The following FAM185A variants were observed in gnomAD, a reference collection of about 807,000 sequenced individuals.
FAM185A encodes protein FAM185A.
In FAM185A, 21 loss-of-function variants were observed where a neutral mutation model predicts 45.7. That is an observed-to-expected ratio of 0.46 (90% CI 0.33 to 0.66). FAM185A has a LOEUF of 0.66. FAM185A is among the 30% of genes least tolerant of loss of function. The pLI is 0.03. For synonymous variants in FAM185A, 117 were observed against 194.0 expected (o/e 0.60, Z 3.30); for missense variants, 305 against 485.4 (o/e 0.63, Z 3.49).
the FAM185A span, among the ~76,000 whole-genome samples, chr7:102,838,699 T>G: frequency 1.3e-5 from 2 of 152,180 alleles, no homozygotes; most frequent in Non-Finnish European, 1.5e-5. Context: ...GATCTAGGGT[T>G]GTGCAGGATG....
At chr7:102,818,318 A>G in the FAM185A span, among the ~76,000 whole-genome samples, 1 of 152,254 alleles carries the variant, frequency 6.6e-6, no homozygotes, top group Admixed American at 6.5e-5. Context: ...ACCTAGGTAC[A>G]AAGTATGGCT....
chr7:102,831,037 T>G, the FAM185A span, among the ~76,000 whole-genome samples: 1 of 152,102 alleles, frequency 6.6e-6, no homozygotes, highest in African/African-American at 2.4e-5. Context: ...GATCTACGTG[T>G]GTTATTTGTT....
the FAM185A span, among the ~76,000 whole-genome samples, chr7:102,840,165 C>A: frequency 6.6e-6 from 1 of 151,912 alleles, no homozygotes; most frequent in African/African-American, 2.4e-5. Context: ...ATTGGGAAAA[C>A]CAAAAGGAAA....
the FAM185A span, among the ~76,000 whole-genome samples, chr7:102,849,347 G>T: frequency 2.0e-5 from 3 of 152,166 alleles, no homozygotes; most frequent in Non-Finnish European, 4.4e-5. Flanking sequence ...TACATCTGAG[G>T]CTCCAGACAC....
intron 6 of FAM185A, among the ~76,000 whole-genome samples, chr7:102,780,944 A>T (rs1273186538): frequency 3.3e-5 from 5 of 152,184 alleles, no homozygotes; most frequent in Non-Finnish European, 7.4e-5. Context: ...GCACCTGGAA[A>T]ATCGGGTCAC....
chr7:102,826,831 A>G, the FAM185A span, among the ~76,000 whole-genome samples: 2 of 142,226 alleles, frequency 1.4e-5, no homozygotes, highest in East Asian at 2.0e-4. Context: ...TATATAATAA[A>G]TATATCTAAT....
chr7:102,818,642 C>G, the FAM185A span, among the ~76,000 whole-genome samples: 3 of 152,134 alleles, frequency 2.0e-5, no homozygotes, highest in African/African-American at 4.8e-5. Flanking sequence ...CTTCTAGCAA[C>G]TGCTAAAGAA....
the FAM185A span, among the ~76,000 whole-genome samples, chr7:102,833,155 TTCACA>T: frequency 1.3e-5 from 2 of 152,216 alleles, no homozygotes; most frequent in Non-Finnish European, 2.9e-5. Flanking sequence ...GCAAAAGATA[TTCACA>T]AAGCAGCTTA....
intron 2 of FAM185A, chr7:102,755,563 C>A: frequency 1.6e-6 from 1 of 628,128 alleles, no homozygotes; most frequent in Non-Finnish European, 2.9e-6. Context: ...GGAGTTAACA[C>A]CATCACCACC....
intron 2 of FAM185A, chr7:102,755,277 C>T (rs1387077270): frequency 1.9e-6 from 1 of 525,394 alleles, no homozygotes. Context: ...TTGGACAGGA[C>T]ATCCAGCCCA....
At chr7:102,783,719 C>T (rs987075492) in intron 6 of FAM185A, among the ~76,000 whole-genome samples, 3 of 151,608 alleles carry the variant, frequency 2.0e-5, no homozygotes, top group Non-Finnish European at 4.4e-5. Flanking sequence ...TAAATGCCCA[C>T]AAGAGAAAGC....
the FAM185A span, chr7:102,832,688 A>ATT: frequency 2.2e-6 from 2 of 905,318 alleles, no homozygotes; most frequent in Non-Finnish European, 3.1e-6. Flanking sequence ...ATCATAAGCT[A>ATT]TTTCCAATTT....
At chr7:102,769,557 G>C (rs1794623134) in intron 4 of FAM185A, among the ~76,000 whole-genome samples, 1 of 150,480 alleles carries the variant, frequency 6.6e-6, no homozygotes, top group South Asian at 2.1e-4. Flanking sequence ...CTTTATCATA[G>C]TTCTTTATTA....
At chr7:102,786,020 G>A (rs1795769135) in intron 6 of FAM185A, among the ~76,000 whole-genome samples, 2 of 152,160 alleles carry the variant, frequency 1.3e-5, no homozygotes, top group African/African-American at 4.8e-5. Context: ...AGTGGACAAA[G>A]GATATGAACA....
chr7:102,831,994 T>C, the FAM185A span, among the ~76,000 whole-genome samples: 1 of 152,200 alleles, frequency 6.6e-6, no homozygotes. Flanking sequence ...TTGGAAAGTA[T>C]GATTCTATTA....
chr7:102,775,966 C>T (rs1279385024), intron 5 of FAM185A, among the ~76,000 whole-genome samples: 1 of 152,030 alleles, frequency 6.6e-6, no homozygotes, highest in African/African-American at 2.4e-5. Context: ...TGATAAAGGG[C>T]ATTTTCCAGT....
At chr7:102,833,446 T>C in the FAM185A span, among the ~76,000 whole-genome samples, 1 of 151,716 alleles carries the variant, frequency 6.6e-6, no homozygotes, top group African/African-American at 2.4e-5. Flanking sequence ...CTTTTTTTTT[T>C]TTTTTTTGAG....
the FAM185A span, among the ~76,000 whole-genome samples, chr7:102,825,783 C>CTT: frequency 6.6e-6 from 1 of 152,174 alleles, no homozygotes; most frequent in Non-Finnish European, 1.5e-5. Context: ...GGATTTCTTT[C>CTT]TTATGTTGGA....
the FAM185A span, among the ~76,000 whole-genome samples, chr7:102,837,172 C>T: frequency 2.0e-5 from 3 of 152,222 alleles, no homozygotes; most frequent in African/African-American, 7.2e-5. Flanking sequence ...TGGCCTTGTT[C>T]CCACTGGGCA....
Sources: gnomAD v4.1 joint callset for allele counts (sites outside exome capture counted in the v4.1 genomes callset) on GRCh38, gnomAD v4.1.1 for gene constraint, MANE v1.5 for transcripts, NCBI Gene and HGNC (gene_info 2026-07-23, HGNC 2026-07-21) for gene names.